The following NEXN variants were observed in gnomAD, a reference collection of about 807,000 sequenced individuals.
NEXN encodes nexilin.
In NEXN, 65 loss-of-function variants were observed where a neutral mutation model predicts 92.6. The ratio of observed to expected loss-of-function variants is 0.70; its 90% CI spans 0.57 to 0.86. NEXN has a LOEUF of 0.86. Among genes scored for constraint, NEXN ranks in the 40% least tolerant of loss-of-function variants. The pLI is 0.00. For missense variants in NEXN, 778 were observed against 771.1 expected (o/e 1.01, Z -0.11); for synonymous variants, 254 against 242.5 (o/e 1.05, Z -0.44).
At chr1:77,900,187 C>T (rs926631973) in intron 1 of NEXN, among the ~76,000 whole-genome samples, 1 of 152,112 alleles carries the variant, frequency 6.6e-6, no homozygotes, top group Non-Finnish European at 1.5e-5. Context: ...AATGGGTCAC[C>T]AGGCATTGGT....
At chr1:77,928,574 T>G (rs1650047996) in intron 8 of NEXN, among the ~76,000 whole-genome samples, 1 of 151,904 alleles carries the variant, frequency 6.6e-6, no homozygotes, top group Admixed American at 6.6e-5. Flanking sequence ...AATTTAATAA[T>G]AAACCTTTAA....
intron 5 of NEXN, among the ~76,000 whole-genome samples, chr1:77,922,756 C>T (rs1396328510): frequency 2.0e-5 from 3 of 151,718 alleles, no homozygotes; most frequent in African/African-American, 4.8e-5. Context: ...CCACCACGCC[C>T]GGCTAATTTT....
Position 77,933,473 on chromosome 1 carries a change from G to T in NEXN, c.1245G>T (p.Met415Ile). 1.2e-6 allele frequency: 2 copies of T among 1,603,242 alleles called. No homozygotes were observed. The highest frequency in any genetic ancestry group is 2.2e-5 in the South Asian group (2 of 90,624). The change falls in exon 10 of 13, where the codon ATG becomes ATT. Residue 415 changes from methionine to isoleucine, a missense_variant. Physicochemically the swap from Met to Ile is conservative, Grantham distance 10. Transcript: ENST00000334785. ...KQEFEQLRQE[M>I]GEEEEENETF... ...AATTTGAACAACTGAGACAGGAAAT[G>T]GGAGAGGTAAGATTTTAAGAAATAT...
chr1:77,916,133 G>A lies in NEXN; in HGVS notation c.27G>A (p.Glu9=), dbSNP rs1648957766. Residue 9 remains glutamate, a splice_region_variant and synonymous_variant, in exon 2 of 13, where the codon GAG becomes GAA. Transcript: ENST00000334785. MNDISQKA[E]ILLSSSKPVP... ...TGAATGATATTTCCCAAAAGGCTGA[G>A]GTAAGTCTCAAAAGTAAAAATAAAA... is the stretch of plus-strand genomic sequence containing the variant. 3.7e-6 allele frequency: 6 copies of A among 1,603,630 alleles called. No individual in the cohort carries two copies. In the East Asian group the frequency reaches 9.0e-5, roughly 24 times the overall value.
chr1:77,908,498 T>C lies in NEXN; in HGVS notation c.-52-7557T>C, dbSNP rs1557967438. 2.0e-5 allele frequency among the ~76,000 whole-genome samples: 3 copies of C among 151,044 alleles called. No homozygotes were observed. In the Admixed American group the frequency reaches 2.0e-4, roughly 10 times the overall value. Reference sequence around the variant, plus strand: ...TTACAGCAACCTCTGCCTCCCGGGTTCAAGCAATTCTCCTGCCTCAGCCTC... The same window carrying C: ...TTACAGCAACCTCTGCCTCCCGGGTCCAAGCAATTCTCCTGCCTCAGCCTC... On this transcript the variant is annotated intron_variant, in intron 1 of 12. Coordinates refer to ENST00000334785, the MANE Select transcript of NEXN (RefSeq NM_144573.4).
chr1:77,942,643 A>G lies in NEXN; in HGVS notation c.1842A>G (p.Thr614=). The stretch of plus-strand genomic sequence containing the variant: ...CAGGAGAACCCAAACCAGAAATTAC[A>G]TGGTGGTTTGAAGGAGAAATACTGC... The part of the protein sequence containing the change: ...KVTGEPKPEI[T]WWFEGEILQD... The change falls in exon 13 of 13, where the codon ACA becomes ACG. Residue 614 remains threonine, a synonymous_variant. Coordinates refer to ENST00000334785, the MANE Select transcript of NEXN (RefSeq NM_144573.4). 1 of 1,613,778 alleles carries G rather than the reference A, an allele frequency of 6.2e-7. No individual in the cohort carries two copies. Among genetic ancestry groups the G allele is most frequent in the Non-Finnish European group, 8.5e-7 (1 of 1,179,710 alleles).
Position 77,936,006 on chromosome 1 carries a change from C to T in NEXN, c.1435C>T (p.Leu479Phe), listed in dbSNP as rs181520023. 3.0e-4 allele frequency: 483 copies of T among 1,613,582 alleles called. No homozygotes were observed. The highest frequency in any genetic ancestry group is 3.9e-4 in the Non-Finnish European group (456 of 1,179,868). ...EERARRRAID[L>F]EIKEREAENF... ...GCGAGCAAGAAGGAGAGCAATTGAC[C>T]TTGAAATTAAAGAGCGAGAAGCTGA... Residue 479 changes from leucine to phenylalanine, a missense_variant, in exon 11 of 13, where the codon CTT becomes TTT. Physicochemically the swap from Leu to Phe is conservative, Grantham distance 22. This residue lies in a region of NEXN where 532 missense variants were observed against 476.7 expected (regional missense o/e 1.12). Coordinates refer to ENST00000334785, the MANE Select transcript of NEXN (RefSeq NM_144573.4).
rs1649119510 is a variant in NEXN at position 77,918,095 on chromosome 1, G to A, written c.299-30G>A. 2.5e-6 allele frequency: 4 copies of A among 1,612,826 alleles called. No individual in the cohort carries two copies. In the African/African-American group the frequency reaches 4.0e-5, roughly 16 times the overall value. On this transcript the variant is annotated intron_variant, in intron 4 of 12. Coordinates refer to ENST00000334785, the MANE Select transcript of NEXN (RefSeq NM_144573.4). ...AATTGCAAAATAGAAACATAACCAA[G>A]TATCAAACTTTTTTTTCATATATTT...
chr1:77,907,842 CA>C (rs953358345), intron 1 of NEXN, among the ~76,000 whole-genome samples: 3 of 151,988 alleles, frequency 2.0e-5, no homozygotes, highest in South Asian at 2.1e-4. Flanking sequence ...CACACACACA[CA>C]AAAAAAGCCT....
In NEXN at chr1:77,943,602, A is replaced by ATAAAATT. The variant is rs1651590415; in HGVS notation, c.*773_*774insTAAAATT. The stretch of plus-strand genomic sequence containing the variant: ...CGTATGTAATATATATTAAATTTAT[A>ATAAAATT]AAGCAAATTTATGTTGTGATCTTGC... On this transcript the variant is annotated 3_prime_UTR_variant, in exon 13 of 13. Coordinates refer to ENST00000334785, the MANE Select transcript of NEXN (RefSeq NM_144573.4). 6.6e-6 allele frequency: 1 copy of ATAAAATT among 152,050 alleles called. No homozygotes were observed. The allele number at this position is 152,050 out of a possible 1,614,324, so 9.4% of individuals were successfully genotyped here.
intron 1 of NEXN, among the ~76,000 whole-genome samples, chr1:77,890,112 G>A (rs887825444): frequency 6.6e-6 from 1 of 152,094 alleles, no homozygotes; most frequent in African/African-American, 2.4e-5. Flanking sequence ...TTGGGGGGAG[G>A]TATAATTTGT....
At chr1:77,928,598 A>T (rs1650049012) in intron 8 of NEXN, among the ~76,000 whole-genome samples, 1 of 152,020 alleles carries the variant, frequency 6.6e-6, no homozygotes, top group South Asian at 2.1e-4. Flanking sequence ...TAAAATCATA[A>T]AGCTGGAATT....
At chr1:77,915,579 G>C (rs930733820) in intron 1 of NEXN, among the ~76,000 whole-genome samples, 1 of 152,164 alleles carries the variant, frequency 6.6e-6, no homozygotes, top group African/African-American at 2.4e-5. Context: ...CAGTGAGCGA[G>C]ATGGCGCCAC....
At chr1:77,914,162 T>A (rs1332402529) in intron 1 of NEXN, among the ~76,000 whole-genome samples, 1 of 152,206 alleles carries the variant, frequency 6.6e-6, no homozygotes, top group African/African-American at 2.4e-5. Flanking sequence ...GATGGACACA[T>A]GTCATTGTAC....
chr1:77,934,354 C>T (rs1650574138), intron 10 of NEXN, among the ~76,000 whole-genome samples: 1 of 152,100 alleles, frequency 6.6e-6, no homozygotes, highest in Admixed American at 6.5e-5. Flanking sequence ...CACTTTATTG[C>T]CCAGGCTGGT....
chr1:77,935,477 T>A (rs915127531), intron 10 of NEXN, among the ~76,000 whole-genome samples: 1 of 152,262 alleles, frequency 6.6e-6, no homozygotes, highest in Non-Finnish European at 1.5e-5. Flanking sequence ...TATTTCCTAA[T>A]GAGAATAGCA....
chr1:77,900,367 C>G (rs1031844413), intron 1 of NEXN, among the ~76,000 whole-genome samples: 1 of 152,114 alleles, frequency 6.6e-6, no homozygotes, highest in Admixed American at 6.6e-5. Context: ...TTTCTATAGC[C>G]TGGTTATAAT....
At chr1:77,903,447 A>T (rs1378355840) in intron 1 of NEXN, among the ~76,000 whole-genome samples, 1 of 152,212 alleles carries the variant, frequency 6.6e-6, no homozygotes, top group Non-Finnish European at 1.5e-5. Context: ...TATTGAAAAG[A>T]TTGAATAATT....
At chr1:77,905,342 T>C (rs1557965216) in intron 1 of NEXN, among the ~76,000 whole-genome samples, 1 of 152,132 alleles carries the variant, frequency 6.6e-6, no homozygotes, top group Non-Finnish European at 1.5e-5. Context: ...TCATGCCTTA[T>C]ATCCAGATAA....
Sources: gnomAD v4.1 joint callset for allele counts (sites outside exome capture counted in the v4.1 genomes callset) on GRCh38, gnomAD v4.1.1 for gene constraint, gnomAD v4.1.1 regional missense constraint, MANE v1.5 for transcripts, NCBI Gene and HGNC (gene_info 2026-07-23, HGNC 2026-07-21) for gene names.